Variants in DAB1 observed in about 807,000 individuals in gnomAD.
DAB1 encodes the protein disabled homolog 1.
Under a neutral mutation model 64.6 loss-of-function variants are expected in DAB1, and 15 were observed. The ratio of observed to expected loss-of-function variants is 0.23; its 90% CI spans 0.16 to 0.36. The LOEUF is 0.36. Among genes scored for constraint, DAB1 ranks in the 10% least tolerant of loss-of-function variants. The probability of loss-of-function intolerance (pLI) is 1.00; values close to 1 mark genes in which losing one functional copy is unlikely to be tolerated. For missense variants in DAB1, 596 were observed against 706.7 expected, an observed-to-expected ratio of 0.84 and a Z score of 1.78; for synonymous variants, 235 against 251.9, an observed-to-expected ratio of 0.93 and a Z score of 0.64.
chr1:57,431,365 A>G (rs753634236), intron 7 of DAB1, among the ~76,000 whole-genome samples: 8 of 152,178 alleles, frequency 5.3e-5, no homozygotes, highest in Non-Finnish European at 7.3e-5. Flanking sequence ...TATTTTGCAA[A>G]TCTTGTTTTA....
In DAB1 at chr1:57,149,795, G is replaced by A. The variant is rs568914641; in HGVS notation, c.68-4366C>T. ...CTACAGAATTTAGCCTCATTTTTTC[G>A]TGTCACAGCTACTTGAGTAGATGTC... On this transcript the variant is annotated intron_variant, in intron 2 of 14. Coordinates refer to ENST00000371236, the MANE Select transcript of DAB1 (RefSeq NM_001365792.1). 1.8e-4 allele frequency among the ~76,000 whole-genome samples: 28 copies of A among 152,024 alleles called. No homozygotes were observed. In the South Asian group the frequency reaches 3.3e-3, roughly 18 times the overall value.
chr1:58,207,078 C>A (rs1209560931), intron 4 of DAB1, among the ~76,000 whole-genome samples: 1 of 152,170 alleles, frequency 6.6e-6, no homozygotes, highest in Non-Finnish European at 1.5e-5. Flanking sequence ...TCAGCGGAGG[C>A]TCCAAACATC....
At chr1:58,016,262 A>C (rs1646737687) in intron 5 of DAB1, among the ~76,000 whole-genome samples, 1 of 152,200 alleles carries the variant, frequency 6.6e-6, no homozygotes, top group Non-Finnish European at 1.5e-5. Context: ...AAACAGCTAC[A>C]GACATTACAT....
intron 6 of DAB1, among the ~76,000 whole-genome samples, chr1:57,729,795 T>A (rs1400139052): frequency 1.3e-5 from 2 of 152,182 alleles, no homozygotes; most frequent in Non-Finnish European, 2.9e-5. Context: ...GCATGGTGGC[T>A]CACACCTGTA....
intron 7 of DAB1, among the ~76,000 whole-genome samples, chr1:57,513,147 CT>C (rs11337217): frequency 0.83 from 125,166 of 150,406 alleles, 52,457 homozygotes; most frequent in East Asian, 0.92. Context: ...AAAATATCCA[CT>C]TTTTTTTTTT....
chr1:57,851,428 A>G (rs976792684), intron 1 of DAB1, among the ~76,000 whole-genome samples: 1 of 152,194 alleles, frequency 6.6e-6, no homozygotes, highest in African/African-American at 2.4e-5. Flanking sequence ...AGAGCACACT[A>G]GAGCACACCT....
In DAB1 at chr1:57,084,369, C is replaced by A. The variant is rs1291546555; in HGVS notation, c.307-11955G>T. Among the ~76,000 whole-genome samples the A allele has an allele frequency of 2.0e-5, 3 of 152,230 alleles. No homozygotes were observed. The East Asian group carries it at 5.8e-4, about 30-fold the overall frequency. On this transcript the variant is annotated intron_variant, in intron 4 of 14. Transcript: ENST00000371236. ...AGGCATGGACCAGTCTTCTGCACAG[C>A]CCTCAGAAAGAACAATCCCTGCAGA...
At chr1:58,349,361 A>G (rs995858470) in intron 3 of DAB1, among the ~76,000 whole-genome samples, 1 of 152,172 alleles carries the variant, frequency 6.6e-6, no homozygotes, top group Non-Finnish European at 1.5e-5. Flanking sequence ...TGTGAGCAGC[A>G]ATTATTGCTG....
rs1282412395 is a variant in DAB1, at chr1:58,376,485, G to A, written n.258-33082C>T. Among the ~76,000 whole-genome samples, 2 of 139,970 alleles carry A rather than the reference G, an allele frequency of 1.4e-5. 1 individual carries two copies. The highest frequency in any genetic ancestry group is 3.2e-5 in the Non-Finnish European group (2 of 63,258). The allele number at this position is 139,970 out of a possible 152,430, so 91.8% of individuals were successfully genotyped here. On this transcript the variant is annotated intron_variant and non_coding_transcript_variant, in intron 3 of 20. Transcript: ENST00000485760. Reference sequence around the variant, plus strand: ...TTGTTCAGTTTCCATGTAGTTGAGTGGCTCTGAGTGAGATTCTTAATCCTG... The same window carrying A: ...TTGTTCAGTTTCCATGTAGTTGAGTAGCTCTGAGTGAGATTCTTAATCCTG...
In DAB1 at chr1:56,997,568, A is replaced by T. The variant is rs1471877696; in HGVS notation, c.*576T>A. ...ACCTATTAATTTTCAAACATGACAA[A>T]AAAAGGAAAGGGGGGAAAATGGCAG... is the stretch of plus-strand genomic sequence containing the variant. On this transcript the variant is annotated 3_prime_UTR_variant, in exon 15 of 15. Coordinates refer to ENST00000371236, the MANE Select transcript of DAB1 (RefSeq NM_001365792.1). 1 of 152,240 alleles carries T rather than the reference A, an allele frequency of 6.6e-6. No individual in the cohort carries two copies. Among genetic ancestry groups the T allele is most frequent in the East Asian group, 1.9e-4 (1 of 5,200 alleles). 9.4% of individuals were successfully genotyped at this position (152,240 alleles called of 1,614,324 possible).
At chr1:57,442,114 G>A (rs544804931) in intron 7 of DAB1, among the ~76,000 whole-genome samples, 1 of 152,286 alleles carries the variant, frequency 6.6e-6, no homozygotes, top group African/African-American at 2.4e-5. Context: ...TGTGAATTTG[G>A]TTAAGTTCCT....
intron 5 of DAB1, among the ~76,000 whole-genome samples, chr1:58,113,920 C>G (rs931968418): frequency 2.0e-5 from 3 of 151,904 alleles, no homozygotes; most frequent in Non-Finnish European, 4.4e-5. Flanking sequence ...AAGGTGCCCC[C>G]CCAAAGTGAG....
At chr1:58,496,451 C>CTG (rs1173182634) in intron 3 of DAB1, among the ~76,000 whole-genome samples, 1 of 152,182 alleles carries the variant, frequency 6.6e-6, no homozygotes, top group Non-Finnish European at 1.5e-5. Context: ...GCCGCCTTGC[C>CTG]TGTCCTCTCC....
At chr1:58,227,358 A>G (rs1659546577) in intron 4 of DAB1, among the ~76,000 whole-genome samples, 1 of 152,196 alleles carries the variant, frequency 6.6e-6, no homozygotes, top group African/African-American at 2.4e-5. Flanking sequence ...TGGGCATTGA[A>G]GACTGGAGGA....
intron 4 of DAB1, among the ~76,000 whole-genome samples, chr1:58,242,283 G>A (rs981551199): frequency 6.6e-6 from 1 of 152,036 alleles, no homozygotes; most frequent in Non-Finnish European, 1.5e-5. Context: ...CTATGTATAT[G>A]TGTGTGTGAA....
chr1:57,544,477 A>T (rs1411906879), intron 7 of DAB1, among the ~76,000 whole-genome samples: 2 of 152,232 alleles, frequency 1.3e-5, no homozygotes. Flanking sequence ...TTTCTGATAC[A>T]TACTTTGTCC....
At position 57,633,466 on chromosome 1, in the gene DAB1, G is replaced by T. The variant is rs558477645; in HGVS notation, n.625+16126C>A. 9.2e-5 allele frequency among the ~76,000 whole-genome samples: 14 copies of T among 152,320 alleles called. No homozygotes were observed. The East Asian group carries it at 2.5e-3, about 27-fold the overall frequency. ...CCAATGTGTGGTGGGCAAGTGGATTGCAAGGGCAGGCTGCTGAGGACCGGC... is the reference window on the plus strand; with the variant it reads ...CCAATGTGTGGTGGGCAAGTGGATTTCAAGGGCAGGCTGCTGAGGACCGGC... On this transcript the variant is annotated intron_variant and non_coding_transcript_variant, in intron 7 of 20. Transcript: ENST00000485760.
intron 9 of DAB1, among the ~76,000 whole-genome samples, chr1:57,039,744 A>G (rs1167738985): frequency 6.6e-6 from 1 of 152,228 alleles, no homozygotes; most frequent in Non-Finnish European, 1.5e-5. Context: ...TTGAAAATAT[A>G]CATGAGGTTG....
intron 6 of DAB1, among the ~76,000 whole-genome samples, chr1:57,818,754 C>T (rs1651983131): frequency 6.7e-6 from 1 of 148,718 alleles, no homozygotes; most frequent in Non-Finnish European, 1.5e-5. Flanking sequence ...CTAATAACTA[C>T]ATTATATATA....
Sources: allele counts gnomAD v4.1 joint callset (sites outside exome capture counted in the v4.1 genomes callset), GRCh38; gene constraint gnomAD v4.1.1; transcripts MANE v1.5; gene names NCBI Gene and HGNC (gene_info 2026-07-23, HGNC 2026-07-21).